NUP188: variants seen among roughly 807,000 people sequenced by gnomAD.
NUP188 encodes the protein nucleoporin NUP188.
NUP188 carries 97 observed loss-of-function variants against 223.0 expected under a neutral mutation model. The observed-to-expected ratio is 0.43, with a 90% CI of 0.37 to 0.51. The LOEUF (loss-of-function observed/expected upper bound fraction) is 0.51, where lower values mean the gene tolerates loss of function less well. Ranked by LOEUF, NUP188 falls within the 20% of genes least tolerant of loss-of-function variation. The pLI is 0.00. For synonymous variants in NUP188, 869 were observed against 828.0 expected, an observed-to-expected ratio of 1.05 and a Z score of -0.85; for missense variants, 1,947 against 2,175.6, an observed-to-expected ratio of 0.89 and a Z score of 2.09.
At position 128,987,642 on chromosome 9, in the gene NUP188, C is replaced by T; in HGVS notation, c.2318C>T (p.Ala773Val). ...ATCTGCAGCCTGGCATACACAGAAG[C>T]AGGACAGACAGTTATCAATATCATG... ...LCICSLAYTE[A>V]GQTVINIMGI... The change falls in exon 23 of 44, where the codon GCA (alanine) becomes GTA (valine). Residue 773 changes from alanine to valine, a missense_variant. Transcript: ENST00000372577. 6.2e-7 allele frequency: 1 copy of T among 1,613,934 alleles called. No individual in the cohort carries two copies. The highest frequency in any genetic ancestry group is 8.5e-7 in the Non-Finnish European group (1 of 1,179,910).
rs1251752885 is a variant in NUP188 at position 129,006,792 on chromosome 9, C to A, written c.*114C>A. 2.6e-6 allele frequency: 3 copies of A among 1,149,578 alleles called. No homozygotes were observed. Among genetic ancestry groups the A allele is most frequent in the South Asian group, 1.6e-5 (1 of 61,076 alleles). 71.2% of individuals were successfully genotyped at this position (1,149,578 alleles called of 1,614,324 possible). Reference sequence around the variant, plus strand: ...CAATGGAGGGCACCTCCTGTCACCCCCCTCCCGGAGTAGCCACGACTCCAG... The same window carrying A: ...CAATGGAGGGCACCTCCTGTCACCCACCTCCCGGAGTAGCCACGACTCCAG... On this transcript the variant is annotated 3_prime_UTR_variant, in exon 44 of 44. Coordinates refer to ENST00000372577, the MANE Select transcript of NUP188 (RefSeq NM_015354.3).
At position 128,984,993 on chromosome 9, in the gene NUP188, C is replaced by G. The variant is rs1393938208; in HGVS notation, c.2055C>G (p.Arg685=). The part of the protein sequence containing the change: ...GEYGVTIAFL[R]LITTLVKGQL... Reference sequence around the variant, plus strand: ...ATGGGGTTACTATTGCCTTTCTGCGCTTGATCACCACCCTTGTCAAGGTAC... The same window carrying G: ...ATGGGGTTACTATTGCCTTTCTGCGGTTGATCACCACCCTTGTCAAGGTAC... The change falls in exon 20 of 44, where the codon CGC becomes CGG. Residue 685 remains arginine, a synonymous_variant. Coordinates refer to ENST00000372577, the MANE Select transcript of NUP188 (RefSeq NM_015354.3). 1 of 1,612,772 alleles carries G rather than the reference C, an allele frequency of 6.2e-7. No individual in the cohort carries two copies. The highest frequency in any genetic ancestry group is 1.1e-5 in the South Asian group (1 of 90,972).
intron 12 of NUP188, among the ~76,000 whole-genome samples, chr9:128,974,822 G>A (rs1357560303): frequency 9.3e-5 from 14 of 149,906 alleles, no homozygotes; most frequent in African/African-American, 4.9e-5. Flanking sequence ...ACAGTGGCGC[G>A]ATCTCGTCCC....
intron 8 of NUP188, among the ~76,000 whole-genome samples, chr9:128,959,527 CTTTT>C (rs1303364478): frequency 1.6e-5 from 2 of 123,882 alleles, no homozygotes; most frequent in Non-Finnish European, 1.7e-5. Flanking sequence ...TACAGATTAT[CTTTT>C]TTTTTTTTTT....
intron 22 of NUP188, 70 bp downstream of exon 22, chr9:128,986,945 C>T (rs145921973): frequency 1.1e-5 from 15 of 1,365,904 alleles, no homozygotes; most frequent in Admixed American, 1.8e-5. Context: ...TGTGCAAAGC[C>T]GTCTCAGTTC....
intron 25 of NUP188, among the ~76,000 whole-genome samples, chr9:128,992,348 A>G (rs1842448014): frequency 6.6e-6 from 1 of 151,896 alleles, no homozygotes; most frequent in African/African-American, 2.4e-5. Context: ...GCCCACTACA[A>G]CACCCAGCTG....
At chr9:128,985,111 C>T in intron 20 of NUP188, 97 bp downstream of exon 20, 1 of 823,380 alleles carries the variant, frequency 1.2e-6, no homozygotes, top group Non-Finnish European at 2.0e-6. Flanking sequence ...GTGCTGTAAT[C>T]TTCTTGTCTG....
At chr9:128,991,724 TC>T (rs1469627348) in intron 25 of NUP188, among the ~76,000 whole-genome samples, 1 of 147,582 alleles carries the variant, frequency 6.8e-6, no homozygotes, top group East Asian at 2.1e-4. Flanking sequence ...GTGCCTGTAG[TC>T]CCAGGTACTC....
In NUP188 at chr9:128,970,872, C is replaced by T. The variant is rs772903895; in HGVS notation, c.1027C>T (p.Arg343Trp). The part of the protein sequence containing the change: ...LNPEETSSVV[R>W]KIGGTAIQLN... ...CCCAGAAGAGACAAGCAGTGTGGTC[C>T]GGAAGATAGGTGGCACAGCCATCCA... The change falls in exon 11 of 44, where the codon CGG (arginine) becomes TGG (tryptophan). Residue 343 changes from arginine to tryptophan, a missense_variant. Physicochemically the swap from Arg to Trp is moderately radical, Grantham distance 101 (BLOSUM62 -3). Transcript: ENST00000372577. The T allele has an allele frequency of 1.6e-5, 26 of 1,613,954 alleles. No homozygotes were observed. Among genetic ancestry groups the T allele is most frequent in the East Asian group, 6.7e-5 (3 of 44,896 alleles).
At position 128,986,513 on chromosome 9, in the gene NUP188, TTTTCC is replaced by T. The variant is rs1393033597; in HGVS notation, c.2077-42_2077-38del. Reference sequence around the variant, plus strand: ...TTAAATCTCTAGGTAACTAAATGACTTTTCCTTAAATGTGCGGAAGTCCTCACTGC... The same window carrying T: ...TTAAATCTCTAGGTAACTAAATGACTTTAAATGTGCGGAAGTCCTCACTGC... On this transcript the variant is annotated intron_variant, in intron 20 of 43. Transcript: ENST00000372577. The T allele has an allele frequency of 3.1e-6, 5 of 1,587,526 alleles. No homozygotes were observed. In the South Asian group the frequency reaches 5.7e-5, roughly 18 times the overall value.
At position 128,987,088 on chromosome 9, in the gene NUP188, A is replaced by AGAGTGTGTGTGTGT. The variant is rs1450678206; in HGVS notation, c.2264+214_2264+215insAGTGTGTGTGTGTG. 6.9e-4 allele frequency among the ~76,000 whole-genome samples: 78 copies of AGAGTGTGTGTGTGT among 113,326 alleles called. 1 individual carries two copies. The highest frequency in any genetic ancestry group is 1.1e-3 in the Non-Finnish European group (62 of 54,894). 74.3% of individuals were successfully genotyped at this position (113,326 alleles called of 152,430 possible). On this transcript the variant is annotated intron_variant, in intron 22 of 43. Transcript: ENST00000372577. The stretch of plus-strand genomic sequence containing the variant: ...ATGAGAGAGAGAGAGAGAGAGAGAG[A>AGAGTGTGTGTGTGT]GTGTGTGTGTGTGTGTGTGTGTGTG...
chr9:128,947,700 G>C lies in NUP188; in HGVS notation c.-20G>C, dbSNP rs1209516535. 1 of 1,467,810 alleles carries C rather than the reference G, an allele frequency of 6.8e-7. No individual in the cohort carries two copies. The allele number at this position is 1,467,810 out of a possible 1,614,324, so 90.9% of individuals were successfully genotyped here. On this transcript the variant is annotated 5_prime_UTR_variant, in exon 1 of 44. Coordinates refer to ENST00000372577, the MANE Select transcript of NUP188 (RefSeq NM_015354.3). ...GGCATGGCGTCTGGGGGCGGGGTTA[G>C]GGCGAGCGGGCGCGCGAAGATGGCG...
In NUP188 at chr9:129,001,569, A is replaced by C. The variant is rs1219788694; in HGVS notation, c.3884A>C (p.Glu1295Ala). 6.2e-7 allele frequency: 1 copy of C among 1,613,816 alleles called. No homozygotes were observed. The highest frequency in any genetic ancestry group is 1.3e-5 in the African/African-American group (1 of 74,868). Residue 1295 changes from glutamate to alanine, a missense_variant, in exon 35 of 44, where the codon GAG (glutamate) becomes GCG (alanine). Glu to Ala is a moderately radical substitution (Grantham distance 107). Transcript: ENST00000372577. ...CTGCACCTGGCCAAGGAGCTGTGTG[A>C]GGTAGACGAGGATGGTGACTCCTGG... Reference protein sequence around the residue: ...LGLHLAKELCEVDEDGDSWLQ... With the variant: ...LGLHLAKELCAVDEDGDSWLQ...
intron 20 of NUP188, 56 bp from the exon 21 acceptor site, chr9:128,986,502 A>T: frequency 6.4e-7 from 1 of 1,568,552 alleles, no homozygotes. Flanking sequence ...ATCTCTAGGT[A>T]ACTAAATGAC....
chr9:128,976,809 G>C (rs974426333), intron 12 of NUP188, among the ~76,000 whole-genome samples: 74 of 152,100 alleles, frequency 4.9e-4, no homozygotes, highest in African/African-American at 1.7e-3. Context: ...AAGCACTGTG[G>C]CCCACACCTG....
rs746447864 is a variant in NUP188 at position 129,005,640 on chromosome 9, C to T, written c.4738-5C>T. ...GTCCTGGATGGCTCTTGTCTTTTCTCGCAGTCCCTGGACCTTGCTGAATAC... is the reference window on the plus strand; with the variant it reads ...GTCCTGGATGGCTCTTGTCTTTTCTTGCAGTCCCTGGACCTTGCTGAATAC... On this transcript the variant is annotated splice_polypyrimidine_tract_variant and splice_region_variant and intron_variant, in intron 40 of 43. Coordinates refer to ENST00000372577, the MANE Select transcript of NUP188 (RefSeq NM_015354.3). The T allele has an allele frequency of 1.4e-5, 23 of 1,612,818 alleles. No individual in the cohort carries two copies. The highest frequency in any genetic ancestry group is 2.2e-5 in the South Asian group (2 of 90,844).
chr9:128,990,108 G>A lies in NUP188; in HGVS notation c.2534-12G>A, dbSNP rs755253218. ...ACACTTGATATCTAAACTGTTTCCT[G>A]TGCTGCTTTAGGTGCTCATGGAAAC... On this transcript the variant is annotated splice_polypyrimidine_tract_variant and intron_variant, in intron 24 of 43. Transcript: ENST00000372577. The A allele has an allele frequency of 1.4e-5, 23 of 1,591,446 alleles. No individual in the cohort carries two copies. The highest frequency in any genetic ancestry group is 8.6e-7 in the Non-Finnish European group (1 of 1,159,460).
chr9:128,987,837 A>G, intron 23 of NUP188, 120 bp downstream of exon 23: 1 of 1,383,734 alleles, frequency 7.2e-7, no homozygotes, highest in East Asian at 2.3e-5. Context: ...TTCCTAGGAC[A>G]TAGCCTTTAC....
chr9:129,003,110 T>C (rs1842704509), intron 37 of NUP188, 135 bp downstream of exon 37: 1 of 1,124,222 alleles, frequency 8.9e-7, no homozygotes, highest in South Asian at 1.5e-5. Context: ...TGAGATGCTC[T>C]AAGTACTCTG....
Sources: gnomAD v4.1 joint callset for allele counts (sites outside exome capture counted in the v4.1 genomes callset) on GRCh38, gnomAD v4.1.1 for gene constraint, MANE v1.5 for transcripts, NCBI Gene and HGNC (gene_info 2026-07-23, HGNC 2026-07-21) for gene names.